Variants in PRSS12 observed in about 807,000 individuals in gnomAD.
The protein encoded by PRSS12 is serine protease 12.
In PRSS12, 85 loss-of-function variants were observed where a neutral mutation model predicts 104.4. That is an observed-to-expected ratio of 0.81 (90% CI 0.68 to 0.98). The LOEUF is 0.98. Among genes scored for constraint, PRSS12 ranks in the 50% least tolerant of loss-of-function variants. The probability of loss-of-function intolerance (pLI) is 0.00; values close to 1 mark genes in which losing one functional copy is unlikely to be tolerated. For synonymous variants in PRSS12, 454 were observed against 425.2 expected (o/e 1.07, Z -0.83); for missense variants, 1,141 against 1,139.2 (o/e 1.00, Z -0.02).
chr4:118,330,933 T>C (rs564361041), intron 4 of PRSS12, among the ~76,000 whole-genome samples: 1 of 100,386 alleles, frequency 1.0e-5, no homozygotes, highest in South Asian at 3.1e-4. Flanking sequence ...TATGGTTAAC[T>C]GAACACAATG....
intron 5 of PRSS12, among the ~76,000 whole-genome samples, chr4:118,317,203 A>C (rs774765246): frequency 1.4e-4 from 22 of 151,958 alleles, no homozygotes; most frequent in Non-Finnish European, 2.6e-4. Context: ...TCTTTTATTG[A>C]TAATACAGAT....
At position 118,338,328 on chromosome 4, in the gene PRSS12, G is replaced by T; in HGVS notation, c.503-14C>A. 1 of 1,613,806 alleles carries T rather than the reference G, an allele frequency of 6.2e-7. No homozygotes were observed. On this transcript the variant is annotated splice_polypyrimidine_tract_variant and intron_variant, in intron 1 of 12. Coordinates refer to ENST00000296498, the MANE Select transcript of PRSS12 (RefSeq NM_003619.4). ...GTCGTACTGATCCTAAAGTGGAAAAGAATCCCAAAACCCTTTAATAGTAAA... is the reference window on the plus strand; with the variant it reads ...GTCGTACTGATCCTAAAGTGGAAAATAATCCCAAAACCCTTTAATAGTAAA...
intron 11 of PRSS12, among the ~76,000 whole-genome samples, chr4:118,291,566 ATCCAGTCC>A (rs970415210): frequency 2.6e-5 from 4 of 152,180 alleles, no homozygotes; most frequent in African/African-American, 9.6e-5. Context: ...AACAAATCTA[ATCCAGTCC>A]CACACAATCT....
In PRSS12 at chr4:118,352,717, T is replaced by G; in HGVS notation, c.4A>C (p.Thr2Pro). The G allele has an allele frequency of 6.2e-7, 1 of 1,612,670 alleles. No homozygotes were observed. Among genetic ancestry groups the G allele is most frequent in the South Asian group, 1.1e-5 (1 of 90,918 alleles). Residue 2 changes from threonine (T) to proline (P), a missense_variant, in exon 1 of 13, where the codon ACG (threonine) becomes CCG (proline). By Grantham distance (38) the Thr-to-Pro change is conservative (BLOSUM62 -1). Transcript: ENST00000296498. ...AGGGCTAGCACGAAGCGGGCGAGCGTCATGGTGCCAGCGCTGCGGGGTCTG... is the reference window on the plus strand; with the variant it reads ...AGGGCTAGCACGAAGCGGGCGAGCGGCATGGTGCCAGCGCTGCGGGGTCTG... MTLARFVLALML... is the reference protein window; with the variant it reads MPLARFVLALML...
intron 1 of PRSS12, among the ~76,000 whole-genome samples, chr4:118,347,039 T>C (rs1724374483): frequency 6.6e-6 from 1 of 150,570 alleles, no homozygotes; most frequent in African/African-American, 2.5e-5. Flanking sequence ...CAATAGCTCA[T>C]AAAAGGCAAT....
At chr4:118,342,413 C>A (rs1187259393) in intron 1 of PRSS12, among the ~76,000 whole-genome samples, 2 of 152,236 alleles carry the variant, frequency 1.3e-5, no homozygotes, top group Non-Finnish European at 2.9e-5. Context: ...CTAGTCAGAG[C>A]TTGTGTCCCT....
intron 2 of PRSS12, among the ~76,000 whole-genome samples, chr4:118,337,616 G>T (rs1050390422): frequency 1.3e-5 from 2 of 152,044 alleles, no homozygotes; most frequent in African/African-American, 2.4e-5. Context: ...GACCTCCTCA[G>T]CACCAAAACC....
At chr4:118,304,994 C>A (rs1743506044) in intron 8 of PRSS12, among the ~76,000 whole-genome samples, 1 of 151,434 alleles carries the variant, frequency 6.6e-6, no homozygotes, top group Admixed American at 6.6e-5. Context: ...TTCAAAGTTT[C>A]CTGGATTGAT....
intron 9 of PRSS12, among the ~76,000 whole-genome samples, chr4:118,298,480 TAAGA>T (rs1743309017): frequency 1.3e-5 from 2 of 152,142 alleles, no homozygotes; most frequent in Admixed American, 1.3e-4. Flanking sequence ...GAGAAATGGC[TAAGA>T]AAGTGAAAAG....
intron 3 of PRSS12, among the ~76,000 whole-genome samples, chr4:118,332,327 A>T (rs954321898): frequency 1.6e-4 from 25 of 152,228 alleles, no homozygotes; most frequent in African/African-American, 6.0e-4. Flanking sequence ...AATCAAGTCA[A>T]AGTTAATATC....
At chr4:118,332,695 T>C (rs1723959211) in intron 3 of PRSS12, among the ~76,000 whole-genome samples, 2 of 152,246 alleles carry the variant, frequency 1.3e-5, no homozygotes, top group African/African-American at 4.8e-5. Flanking sequence ...CCTTTACACC[T>C]ATGTATTTCA....
intron 2 of PRSS12, among the ~76,000 whole-genome samples, chr4:118,337,573 G>GT (rs1169851495): frequency 2.0e-5 from 3 of 152,010 alleles, no homozygotes; most frequent in Non-Finnish European, 4.4e-5. Flanking sequence ...GCAGGACACT[G>GT]CCAGAGCTAA....
intron 4 of PRSS12, among the ~76,000 whole-genome samples, chr4:118,320,717 C>A (rs1380124733): frequency 6.6e-6 from 1 of 152,118 alleles, no homozygotes; most frequent in Non-Finnish European, 1.5e-5. Flanking sequence ...CATGCCACTG[C>A]ACTCCAGCCT....
Position 118,282,137 on chromosome 4 carries a change from A to G in PRSS12, c.2427T>C (p.Ala809=). 1 of 1,614,204 alleles carries G rather than the reference A, an allele frequency of 6.2e-7. No homozygotes were observed. Among genetic ancestry groups the G allele is most frequent in the Non-Finnish European group, 8.5e-7 (1 of 1,180,028 alleles). ...KGRFTGRMLC[A]GNLHEHKRVD... is the part of the protein sequence containing the mutation. ...CGCGTTTGTGTTCATGGAGGTTTCC[A>G]GCACAAAGCATTCTCCCTGTAAACC... Residue 809 remains alanine, a synonymous_variant, in exon 13 of 13, where the codon GCT becomes GCC. Transcript: ENST00000296498.
rs533061735 is a variant in PRSS12 at position 118,308,910 on chromosome 4, T to C, written c.1490-333A>G. Reference sequence around the variant, plus strand: ...TATTTTATTACACCTTACTTCTAAATAGTAAAAGAACATTAACTTGAGGTT... The same window carrying C: ...TATTTTATTACACCTTACTTCTAAACAGTAAAAGAACATTAACTTGAGGTT... On this transcript the variant is annotated intron_variant, in intron 7 of 12. Transcript: ENST00000296498. Among the ~76,000 whole-genome samples, 9 of 152,220 alleles carry C rather than the reference T, an allele frequency of 5.9e-5. No individual in the cohort carries two copies. The East Asian group carries it at 1.7e-3, about 29-fold the overall frequency.
At chr4:118,307,472 A>G (rs1480218180) in intron 8 of PRSS12, among the ~76,000 whole-genome samples, 1 of 152,218 alleles carries the variant, frequency 6.6e-6, no homozygotes, top group Admixed American at 6.5e-5. Context: ...CCAAATTACT[A>G]TTAGTAATCT....
chr4:118,282,393 T>C (rs1248404793), intron 12 of PRSS12, 150 bp from the exon 13 acceptor site: 2 of 1,021,174 alleles, frequency 2.0e-6, no homozygotes, highest in Non-Finnish European at 3.0e-6. Flanking sequence ...TATGTACTAT[T>C]GTTAGCTGCC....
rs138882049 is a variant in PRSS12 at position 118,281,996 on chromosome 4, A to T, written c.2568T>A (p.Pro856=). 6.5e-5 allele frequency: 102 copies of T among 1,576,188 alleles called. No homozygotes were observed. The East Asian group carries it at 2.1e-3, about 32-fold the overall frequency. ...AGGCTGAGACTTTGGTATAAACACCAGGAGAATCCTTGACTCCACAGCCAT... is the reference window on the plus strand; with the variant it reads ...AGGCTGAGACTTTGGTATAAACACCTGGAGAATCCTTGACTCCACAGCCAT... The part of the protein sequence containing the change: ...WGYGCGVKDS[P]GVYTKVSAFV... Residue 856 remains proline (P), a synonymous_variant, in exon 13 of 13, where the codon CCT becomes CCA. Transcript: ENST00000296498.
intron 8 of PRSS12, 108 bp from the exon 9 acceptor site, chr4:118,299,046 G>T (rs1377658279): frequency 6.6e-6 from 8 of 1,219,042 alleles, no homozygotes; most frequent in Non-Finnish European, 9.3e-6. Flanking sequence ...ATTAAAATTA[G>T]CATCTGCATG....
Sources: allele counts gnomAD v4.1 joint callset (sites outside exome capture counted in the v4.1 genomes callset), GRCh38; gene constraint gnomAD v4.1.1; transcripts MANE v1.5; gene names NCBI Gene and HGNC (gene_info 2026-07-23, HGNC 2026-07-21).